TAFA1: variants seen among roughly 807,000 people sequenced by gnomAD.
TAFA1 encodes chemokine-like protein TAFA-1.
A neutral mutation model predicts 18.5 loss-of-function variants in TAFA1; 4 were observed. The observed-to-expected ratio is 0.22, with a 90% CI of 0.11 to 0.49. The LOEUF is 0.49. TAFA1 is among the 20% of genes least tolerant of loss of function. The pLI, the probability that TAFA1 is intolerant of heterozygous loss-of-function variation, is 0.98. For missense variants in TAFA1, 147 were observed against 169.0 expected (o/e 0.87, Z 0.72); for synonymous variants, 56 against 55.2 (o/e 1.01, Z -0.06).
chr3:68,377,263 A>T (rs775708508), intron 2 of TAFA1, among the ~76,000 whole-genome samples: 2 of 152,318 alleles, frequency 1.3e-5, no homozygotes, highest in Non-Finnish European at 2.9e-5. Flanking sequence ...AGAAAGTAGG[A>T]TGTGGGAAGT....
chr3:68,284,863 A>G (rs559434435), intron 2 of TAFA1, among the ~76,000 whole-genome samples: 72 of 152,304 alleles, frequency 4.7e-4, no homozygotes, highest in African/African-American at 1.7e-3. Flanking sequence ...GCTGAAGCCC[A>G]GTTTGTGATC....
chr3:68,144,888 A>T (rs2065717902), intron 2 of TAFA1: 1 of 660,306 alleles, frequency 1.5e-6, no homozygotes, highest in Non-Finnish European at 2.8e-6. Context: ...CCATTTCCTC[A>T]TCAAAAAATT....
chr3:68,097,261 T>C (rs961966854), intron 2 of TAFA1, among the ~76,000 whole-genome samples: 2 of 152,148 alleles, frequency 1.3e-5, no homozygotes, highest in Non-Finnish European at 2.9e-5. Flanking sequence ...TTTTTATACA[T>C]GAAACTTTTT....
At chr3:68,164,755 G>C (rs1376878707) in intron 2 of TAFA1, among the ~76,000 whole-genome samples, 1 of 151,868 alleles carries the variant, frequency 6.6e-6, no homozygotes, top group Non-Finnish European at 1.5e-5. Flanking sequence ...TATCTATGAT[G>C]TATTTTTCCT....
chr3:68,396,230 G>T, intron 2 of TAFA1, among the ~76,000 whole-genome samples: 1 of 152,158 alleles, frequency 6.6e-6, no homozygotes, highest in East Asian at 1.9e-4. Context: ...TTTAAAAATT[G>T]AAATGTAATA....
chr3:68,423,164 G>A lies in TAFA1; in HGVS notation c.259+5744G>A, dbSNP rs369647833. On this transcript the variant is annotated intron_variant, in intron 3 of 4. Transcript: ENST00000478136. ...CGATCTCAAAGTTGTAAAAATAATG[G>A]AACATAATTAATACCAGTAATAATA... 5.9e-5 allele frequency among the ~76,000 whole-genome samples: 9 copies of A among 151,810 alleles called. 1 individual carries two copies. In the South Asian group the frequency reaches 1.9e-3, roughly 32 times the overall value.
intron 3 of TAFA1, among the ~76,000 whole-genome samples, chr3:68,475,212 G>A (rs1316714522): frequency 6.6e-6 from 1 of 151,754 alleles, no homozygotes; most frequent in Non-Finnish European, 1.5e-5. Context: ...ACAATGTGCA[G>A]GTTTGTTACA....
At chr3:68,045,838 A>G (rs1439420160) in intron 2 of TAFA1, among the ~76,000 whole-genome samples, 1 of 152,206 alleles carries the variant, frequency 6.6e-6, no homozygotes, top group East Asian at 1.9e-4. Context: ...TTGAAAATTA[A>G]CAAAGGGAAC....
intron 3 of TAFA1, among the ~76,000 whole-genome samples, chr3:68,451,689 A>G (rs1028795585): frequency 2.0e-5 from 3 of 152,212 alleles, no homozygotes; most frequent in Non-Finnish European, 4.4e-5. Context: ...ACATGAGAAG[A>G]CACTGGACAG....
chr3:68,351,175 A>T (rs931176292), intron 2 of TAFA1, among the ~76,000 whole-genome samples: 5 of 152,100 alleles, frequency 3.3e-5, no homozygotes, highest in Non-Finnish European at 7.4e-5. Context: ...GGTGTTTCTA[A>T]TGTGCCACCC....
chr3:68,427,638 T>G (rs2071082168), intron 3 of TAFA1, among the ~76,000 whole-genome samples: 1 of 151,814 alleles, frequency 6.6e-6, no homozygotes. Context: ...GCTCCTTGAA[T>G]TTTTGAAAAC....
chr3:68,189,738 G>C (rs1252975237), intron 2 of TAFA1, among the ~76,000 whole-genome samples: 2 of 151,858 alleles, frequency 1.3e-5, no homozygotes, highest in Admixed American at 1.3e-4. Context: ...TCTAAAATGA[G>C]GATAGTAATT....
At chr3:68,322,354 T>A (rs2068708399) in intron 2 of TAFA1, among the ~76,000 whole-genome samples, 1 of 152,214 alleles carries the variant, frequency 6.6e-6, no homozygotes, top group Admixed American at 6.5e-5. Flanking sequence ...GACGTTTTAT[T>A]CCTCTCAAAA....
intron 2 of TAFA1, among the ~76,000 whole-genome samples, chr3:68,349,005 C>T (rs1179244339): frequency 6.6e-6 from 1 of 151,610 alleles, no homozygotes; most frequent in African/African-American, 2.4e-5. Context: ...TATGCTAAAA[C>T]CTTGTTACAA....
chr3:68,144,262 A>G (rs755455730), intron 2 of TAFA1, among the ~76,000 whole-genome samples: 39 of 152,164 alleles, frequency 2.6e-4, no homozygotes, highest in African/African-American at 4.1e-4. Flanking sequence ...TTGCCTGTCC[A>G]TGTTGGGCTG....
intron 2 of TAFA1, among the ~76,000 whole-genome samples, chr3:68,134,945 A>G (rs1263005858): frequency 6.6e-6 from 1 of 152,236 alleles, no homozygotes; most frequent in East Asian, 1.9e-4. Flanking sequence ...CTTTTACGTA[A>G]CATGATGCTT....
chr3:68,511,086 A>C lies in TAFA1; in HGVS notation c.260-27670A>C, dbSNP rs549860931. On this transcript the variant is annotated intron_variant, in intron 3 of 4. Coordinates refer to ENST00000478136, the MANE Select transcript of TAFA1 (RefSeq NM_213609.4). ...AGACTCAAATGCAAATGTGCCTCTC[A>C]ACTATGCTAGCTATTTTCTTGTCCC... 2.2e-3 allele frequency among the ~76,000 whole-genome samples: 335 copies of C among 152,304 alleles called. 2 individuals carry two copies. Among genetic ancestry groups the C allele is most frequent in the African/African-American group, 7.7e-3 (322 of 41,578 alleles).
intron 2 of TAFA1, among the ~76,000 whole-genome samples, chr3:68,039,464 A>G (rs1220448705): frequency 6.6e-6 from 1 of 152,128 alleles, no homozygotes; most frequent in African/African-American, 2.4e-5. Context: ...TTTATATAAT[A>G]TATATGCACT....
At chr3:68,539,692 G>T (rs745357155) in intron 4 of TAFA1, among the ~76,000 whole-genome samples, 1,509 of 74,592 alleles carry the variant, frequency 0.02, 198 homozygotes, top group East Asian at 0.094. Context: ...GGGGCATGGG[G>T]TGGGTGGGTG....
Sources: gnomAD v4.1 joint callset for allele counts (sites outside exome capture counted in the v4.1 genomes callset) on GRCh38, gnomAD v4.1.1 for gene constraint, MANE v1.5 for transcripts, NCBI Gene and HGNC (gene_info 2026-07-23, HGNC 2026-07-21) for gene names.